SNRPN: variants seen among roughly 807,000 people sequenced by gnomAD.
SNRPN encodes the protein small nuclear ribonucleoprotein-associated protein N.
SNRPN carries 7 observed loss-of-function variants against 25.2 expected under a neutral mutation model. The ratio of observed to expected loss-of-function variants is 0.28; its 90% CI spans 0.16 to 0.52. SNRPN has a LOEUF of 0.52. Among genes scored for constraint, SNRPN ranks in the 20% least tolerant of loss-of-function variants. The pLI, the probability that SNRPN is intolerant of heterozygous loss-of-function variation, is 0.96. For missense variants in SNRPN, 196 were observed against 322.5 expected, an observed-to-expected ratio of 0.61 and a Z score of 3.00; for synonymous variants, 124 against 110.6, an observed-to-expected ratio of 1.12 and a Z score of -0.76.
At chr15:24,947,113 T>A (rs1330675421) in intron 3 of SNRPN, among the ~76,000 whole-genome samples, 3 of 152,260 alleles carry the variant, frequency 2.0e-5, no homozygotes, top group African/African-American at 7.2e-5. Context: ...TATTTTATAA[T>A]GTATATGCCT....
intron 3 of SNRPN, among the ~76,000 whole-genome samples, chr15:24,932,598 T>C (rs989671266): frequency 6.6e-5 from 10 of 151,628 alleles, no homozygotes; most frequent in Non-Finnish European, 1.5e-4. Context: ...AGACTATCTC[T>C]GTCAATCATA....
chr15:24,921,139 A>T (rs1228411763), intron 3 of SNRPN: 1 of 152,212 alleles, frequency 6.6e-6, no homozygotes, highest in Non-Finnish European at 1.5e-5. Flanking sequence ...CTCTTCTGAC[A>T]GGCTCATGTT....
chr15:24,915,177 G>C (rs2059436052), intron 2 of SNRPN, among the ~76,000 whole-genome samples: 1 of 151,976 alleles, frequency 6.6e-6, no homozygotes, highest in Admixed American at 6.6e-5. Context: ...ATCCAGGCTG[G>C]AGTGTAGTGG....
chr15:24,904,376 C>T lies in SNRPN; in HGVS notation c.-504-15635C>T, dbSNP rs570296744. Among the ~76,000 whole-genome samples the T allele has an allele frequency of 1.2e-4, 18 of 152,266 alleles. No individual in the cohort carries two copies. The South Asian group carries it at 1.5e-3, about 12-fold the overall frequency. On this transcript the variant is annotated intron_variant, in intron 2 of 11. Transcript: ENST00000400097. ...ATTTTATTAGAAAATCTGTTCAGGCCGGCTACAGTGGCTAACGCCTGTAAT... is the reference window on the plus strand; with the variant it reads ...ATTTTATTAGAAAATCTGTTCAGGCTGGCTACAGTGGCTAACGCCTGTAAT...
At chr15:24,941,971 G>A (rs939112778) in intron 3 of SNRPN, among the ~76,000 whole-genome samples, 9 of 151,916 alleles carry the variant, frequency 5.9e-5, no homozygotes, top group African/African-American at 2.2e-4. Context: ...GTAGAGATGG[G>A]GTTTCACCAT....
chr15:24,905,351 A>G (rs1258931693), intron 2 of SNRPN, among the ~76,000 whole-genome samples: 1 of 151,446 alleles, frequency 6.6e-6, no homozygotes, highest in Non-Finnish European at 1.5e-5. Flanking sequence ...TCTACTAAAT[A>G]TACAAAAATT....
intron 3 of SNRPN, among the ~76,000 whole-genome samples, chr15:24,949,347 A>G (rs542265312): frequency 6.6e-6 from 1 of 152,138 alleles, no homozygotes; most frequent in Non-Finnish European, 1.5e-5. Flanking sequence ...TTAACAGAAC[A>G]TATAAAAAGA....
At chr15:24,864,540 C>T (rs1246225909) in intron 1 of SNRPN, among the ~76,000 whole-genome samples, 4 of 151,760 alleles carry the variant, frequency 2.6e-5, no homozygotes, top group African/African-American at 4.8e-5. Flanking sequence ...AACGGGGTTT[C>T]GCCATGTTGG....
chr15:24,917,805 G>T (rs1340002997), intron 2 of SNRPN, among the ~76,000 whole-genome samples: 1 of 152,212 alleles, frequency 6.6e-6, no homozygotes. Context: ...AACCATAAAT[G>T]TTCCTCTACA....
In SNRPN at chr15:24,929,029, CT is replaced by C. The variant is rs1180083798; in HGVS notation, c.-391+8906del. Among the ~76,000 whole-genome samples the C allele has an allele frequency of 6.6e-6, 1 of 152,090 alleles. No homozygotes were observed. The highest frequency in any genetic ancestry group is 2.4e-5 in the African/African-American group (1 of 41,408). ...TGTTTTTTCCAAGGAATCCTGATTT[CT>C]ATTGTGGAGAAGCGTACTTAGAAAC... On this transcript the variant is annotated intron_variant, in intron 3 of 11. Coordinates refer to the SNRPN transcript ENST00000400097. The surrounding 1 kb of genome is among the most constrained non-coding windows in gnomAD (Gnocchi z 5.3).
chr15:24,825,653 TTAGTC>T (rs1268568521), intron 1 of SNRPN, among the ~76,000 whole-genome samples: 3 of 152,128 alleles, frequency 2.0e-5, no homozygotes, highest in South Asian at 2.1e-4. Context: ...ACATCATACT[TTAGTC>T]TAGCCTGTCT....
intron 3 of SNRPN, among the ~76,000 whole-genome samples, chr15:24,927,128 CT>C (rs1032577532): frequency 1.3e-5 from 2 of 150,782 alleles, no homozygotes; most frequent in Admixed American, 6.6e-5. Context: ...TCCCCCTTTT[CT>C]TTTTTTTTGG....
intron 1 of SNRPN, among the ~76,000 whole-genome samples, chr15:24,867,191 T>A (rs1198895684): frequency 6.6e-6 from 1 of 152,150 alleles, no homozygotes; most frequent in Non-Finnish European, 1.5e-5. Flanking sequence ...TTTAATTTTT[T>A]GAGGGGCCTC....
intron 1 of SNRPN, among the ~76,000 whole-genome samples, chr15:24,874,264 C>G (rs10468156): frequency 0.09 from 12,586 of 139,916 alleles, 1,034 homozygotes; most frequent in African/African-American, 0.23. Flanking sequence ...GAGCCAAGAT[C>G]GCACCACTGC....
intron 2 of SNRPN, among the ~76,000 whole-genome samples, chr15:24,839,801 T>G (rs1027591665): frequency 2.6e-5 from 4 of 151,410 alleles, no homozygotes; most frequent in Non-Finnish European, 5.9e-5. Flanking sequence ...GCACACCCAG[T>G]GGTTCTCTTG....
At chr15:24,946,472 GT>G (rs200177946) in intron 3 of SNRPN, among the ~76,000 whole-genome samples, 3 of 152,048 alleles carry the variant, frequency 2.0e-5, no homozygotes, top group Non-Finnish European at 4.4e-5. Flanking sequence ...GTTTTGTTTT[GT>G]TTTTTTGAGA....
upstream of SNRPN, among the ~76,000 whole-genome samples, chr15:24,950,323 C>T (rs1000773124): frequency 5.3e-5 from 8 of 150,452 alleles, no homozygotes; most frequent in African/African-American, 1.2e-4. Context: ...ACTACAGGTG[C>T]GTGCCCTCAC....
At chr15:24,848,219 C>CGGGGGCGGCGGT in intron 2 of SNRPN, 3 of 42,808 alleles carry the variant, frequency 7.0e-5, no homozygotes, top group African/African-American at 9.7e-5. Context: ...AGCTGGGGGG[C>CGGGGGCGGCGGT]GGGGGCGGCG....
At chr15:24,880,296 G>A (rs528830494) in intron 1 of SNRPN, among the ~76,000 whole-genome samples, 1 of 152,088 alleles carries the variant, frequency 6.6e-6, no homozygotes, top group Admixed American at 6.6e-5. Flanking sequence ...TAAAAGAGGG[G>A]GGTGGTGGTG....
Sources: allele counts gnomAD v4.1 joint callset (sites outside exome capture counted in the v4.1 genomes callset), GRCh38; gene constraint gnomAD v4.1.1; non-coding constraint Gnocchi (gnomAD v3.1); transcripts MANE v1.5; gene names NCBI Gene and HGNC (gene_info 2026-07-23, HGNC 2026-07-21).